ERAP2: variants seen among roughly 807,000 people sequenced by gnomAD.
ERAP2 encodes leukocyte-derived arginine aminopeptidase.
A neutral mutation model predicts 111.1 loss-of-function variants in ERAP2; 118 were observed. That is an observed-to-expected ratio of 1.06 (90% CI 0.92 to 1.24). ERAP2 has a LOEUF of 1.24. Among genes scored for constraint, ERAP2 ranks in the 50% most tolerant of loss-of-function variants. The pLI is 0.00. For missense variants in ERAP2, 1,131 were observed against 1,125.8 expected, an observed-to-expected ratio of 1.00 and a Z score of -0.07; for synonymous variants, 410 against 401.2, an observed-to-expected ratio of 1.02 and a Z score of -0.26.
chr5:96,912,009 G>A (rs1047863197), intron 15 of ERAP2, among the ~76,000 whole-genome samples: 1 of 150,332 alleles, frequency 6.7e-6, no homozygotes, highest in Non-Finnish European at 1.5e-5. Flanking sequence ...CTAACACGGT[G>A]TAACCCCGTC....
chr5:96,908,614 A>T (rs1454866216), intron 13 of ERAP2, among the ~76,000 whole-genome samples: 4 of 152,242 alleles, frequency 2.6e-5, no homozygotes, highest in Non-Finnish European at 5.9e-5. Context: ...TTTGGTACTA[A>T]ATGTTAATAT....
chr5:96,879,350 T>C (rs1782903170), intron 1 of ERAP2, among the ~76,000 whole-genome samples: 1 of 152,212 alleles, frequency 6.6e-6, no homozygotes, highest in South Asian at 2.1e-4. Context: ...TTACATTCAA[T>C]TTTAAGGTAG....
chr5:96,904,625 G>C (rs1785839585), intron 13 of ERAP2, among the ~76,000 whole-genome samples: 1 of 152,198 alleles, frequency 6.6e-6, no homozygotes, highest in Admixed American at 6.5e-5. Flanking sequence ...TAAGAAGCAA[G>C]CTATTGCTAG....
rs769880663 is a variant in ERAP2, at chr5:96,909,163, T to C, written c.2169+46T>C. On this transcript the variant is annotated intron_variant, in intron 14 of 18. Coordinates refer to ENST00000437043, the MANE Select transcript of ERAP2 (RefSeq NM_022350.5). ...ATGTATTAAGTAAATACACAGTGTC[T>C]GGAGTATCAGTCAGGCTCAGTTTGT... The C allele has an allele frequency of 5.6e-5, 88 of 1,579,326 alleles. No homozygotes were observed. The Admixed American group carries it at 1.4e-3, about 26-fold the overall frequency.
At chr5:96,914,460 T>A (rs1787162799) in intron 17 of ERAP2, among the ~76,000 whole-genome samples, 1 of 152,200 alleles carries the variant, frequency 6.6e-6, no homozygotes, top group Non-Finnish European at 1.5e-5. Context: ...TGCTTTAATA[T>A]GTATGTTTGT....
At position 96,887,077 on chromosome 5, in the gene ERAP2, A is replaced by G. The variant is rs970810634; in HGVS notation, c.849+288A>G. On this transcript the variant is annotated intron_variant, in intron 4 of 18. Coordinates refer to ENST00000437043, the MANE Select transcript of ERAP2 (RefSeq NM_022350.5). ...TATGTAAAGGTAATTTTCAAAGTAT[A>G]TATATATATATATATATATATATAC... is the stretch of plus-strand genomic sequence containing the variant. Among the ~76,000 whole-genome samples, 589 of 70,836 alleles carry G rather than the reference A, an allele frequency of 8.3e-3. 2 individuals carry two copies. The highest frequency in any genetic ancestry group is 0.022 in the African/African-American group (464 of 21,210). 46.5% of individuals were successfully genotyped at this position (70,836 alleles called of 152,430 possible).
At chr5:96,915,960 C>T (rs1787328773) in intron 18 of ERAP2, 191 bp downstream of exon 18, 2 of 437,176 alleles carry the variant, frequency 4.6e-6, no homozygotes, top group Non-Finnish European at 8.0e-6. Context: ...CAGTGGCTCA[C>T]ACCTGTAATC....
rs145045143 is a variant in ERAP2, at chr5:96,880,043, G to C, written c.358G>C (p.Ala120Pro). 460 of 1,614,140 alleles carry C rather than the reference G, an allele frequency of 2.8e-4. 3 individuals are homozygous for C. In the African/African-American group the frequency reaches 5.6e-3, roughly 19 times the overall value. ...CAGCAAAGATCTTGAAATCACGAAT[G>C]CCACCCTTCAGTCAGAGGAAGATTC... ...LHSKDLEITN[A>P]TLQSEEDSRY... is the part of the protein sequence containing the mutation. The change falls in exon 2 of 19, where the codon GCC becomes CCC. Residue 120 changes from alanine (A) to proline (P), a missense_variant. Physicochemically the swap from Ala to Pro is conservative, Grantham distance 27. Coordinates refer to ENST00000437043, the MANE Select transcript of ERAP2 (RefSeq NM_022350.5).
rs1222233501 is a variant in ERAP2 at position 96,894,769 on chromosome 5, C to A, written c.1126-477C>A. On this transcript the variant is annotated intron_variant, in intron 6 of 18. Coordinates refer to ENST00000437043, the MANE Select transcript of ERAP2 (RefSeq NM_022350.5). ...TAATATTATATAACAACCTGAGAGC[C>A]CTAAATGAATTCTTATGATTCTCCT... Among the ~76,000 whole-genome samples, 5 of 152,010 alleles carry A rather than the reference C, an allele frequency of 3.3e-5. No homozygotes were observed. The East Asian group carries it at 9.7e-4, about 29-fold the overall frequency.
At chr5:96,876,334 T>C (rs896821045), upstream of ERAP2, 1 of 152,364 alleles carries the variant, frequency 6.6e-6, no homozygotes, top group East Asian at 1.9e-4. Flanking sequence ...GCCACTTATT[T>C]GTGCATTCTA....
At chr5:96,897,653 T>C (rs1269636423) in intron 9 of ERAP2, among the ~76,000 whole-genome samples, 1 of 152,172 alleles carries the variant, frequency 6.6e-6, no homozygotes, top group Non-Finnish European at 1.5e-5. Context: ...TTCATGTAGA[T>C]AATAGGAAAG....
intron 2 of ERAP2, chr5:96,881,177 C>G: frequency 9.4e-6 from 3 of 318,678 alleles, no homozygotes; most frequent in South Asian, 7.4e-5. Flanking sequence ...TGGGAAATCA[C>G]TGGAGGATTC....
rs534322172 is a variant in ERAP2 at position 96,918,495 on chromosome 5, G to A, written c.*890G>A. On this transcript the variant is annotated 3_prime_UTR_variant, in exon 19 of 19. Transcript: ENST00000437043. ...CTTTTGGGTTAAGCCTTACATTCAT[G>A]AAGAACCTCAAGGGTAGATTTTTGA... 32 of 152,342 alleles carry A rather than the reference G, an allele frequency of 2.1e-4. No individual in the cohort carries two copies. The highest frequency in any genetic ancestry group is 6.7e-4 in the African/African-American group (28 of 41,584). The allele number at this position is 152,342 out of a possible 1,614,324, so 9.4% of individuals were successfully genotyped here.
chr5:96,903,453 T>C lies in ERAP2; in HGVS notation c.1905T>C (p.Tyr635=), dbSNP rs1222841347. Residue 635 remains tyrosine (Y), a synonymous_variant, in exon 13 of 19, where the codon TAT becomes TAC. Transcript: ENST00000437043. ...CAAATGGTTACTACATCGTTCACTA[T>C]GAGGGTCATGGATGGGACCAACTCA... ...VDSNGYYIVH[Y]EGHGWDQLIT... is the part of the protein sequence containing the mutation. 1.2e-6 allele frequency: 2 copies of C among 1,614,066 alleles called. No homozygotes were observed. The highest frequency in any genetic ancestry group is 1.7e-6 in the Non-Finnish European group (2 of 1,179,954).
chr5:96,896,284 T>C (rs2151160971), intron 7 of ERAP2, 89 bp from the exon 8 acceptor site: 2 of 1,071,540 alleles, frequency 1.9e-6, no homozygotes, highest in Non-Finnish European at 2.7e-6. Flanking sequence ...ATCTTACCTC[T>C]AAGAACATCT....
chr5:96,900,217 A>G, intron 10 of ERAP2, 28 bp downstream of exon 10: 1 of 1,612,890 alleles, frequency 6.2e-7, no homozygotes, highest in Non-Finnish European at 8.5e-7. Context: ...CACAGAGTAG[A>G]AGAGATCTGT....
chr5:96,886,908 T>G (rs1048882983), intron 4 of ERAP2, 119 bp downstream of exon 4: 1 of 1,002,690 alleles, frequency 1.0e-6, no homozygotes, highest in African/African-American at 1.7e-5. Context: ...CAAGAAGAGA[T>G]AGATAAAAAA....
chr5:96,902,386 A>G (rs757570707), intron 12 of ERAP2, 33 bp downstream of exon 12: 16 of 1,349,214 alleles, frequency 1.2e-5, no homozygotes, highest in Non-Finnish European at 1.6e-5. Context: ...AGGTATTTCA[A>G]TGTGGAAATT....
intron 4 of ERAP2, among the ~76,000 whole-genome samples, chr5:96,887,775 G>A (rs987490902): frequency 6.6e-6 from 1 of 152,184 alleles, no homozygotes; most frequent in Non-Finnish European, 1.5e-5. Flanking sequence ...CTTATCCCAA[G>A]AGACCAAATT....
Sources: gnomAD v4.1 joint callset for allele counts (sites outside exome capture counted in the v4.1 genomes callset) on GRCh38, gnomAD v4.1.1 for gene constraint, MANE v1.5 for transcripts, NCBI Gene and HGNC (gene_info 2026-07-23, HGNC 2026-07-21) for gene names.